The following NPAS3 variants were observed in gnomAD, a reference collection of about 807,000 sequenced individuals.
NPAS3 encodes the protein neuronal PAS domain-containing protein 3.
NPAS3 carries 14 observed loss-of-function variants against 73.1 expected under a neutral mutation model. The observed-to-expected ratio is 0.19, with a 90% confidence interval of 0.13 to 0.30. The LOEUF (loss-of-function observed/expected upper bound fraction) is 0.30, where lower values mean the gene tolerates loss of function less well. NPAS3 is among the 10% of genes least tolerant of loss of function. NPAS3 has a pLI of 1.00. For synonymous variants in NPAS3, 620 were observed against 541.5 expected (o/e 1.14, Z -2.01); for missense variants, 1,096 against 1,250.0 (o/e 0.88, Z 1.86).
chr14:33,544,820 A>ATATATTTT (rs11377851), intron 4 of NPAS3, among the ~76,000 whole-genome samples: 1 of 98,548 alleles, frequency 1.0e-5, no homozygotes, highest in Non-Finnish European at 1.9e-5. Context: ...ATGTATATAT[A>ATATATTTT]ATATATATGT....
At chr14:33,513,226 A>G (rs1217818897) in intron 4 of NPAS3, among the ~76,000 whole-genome samples, 4 of 151,988 alleles carry the variant, frequency 2.6e-5, no homozygotes, top group African/African-American at 7.2e-5. Flanking sequence ...TTTCATTCCA[A>G]TACTCATGAG....
At chr14:32,968,955 T>C (rs1342513306) in intron 1 of NPAS3, among the ~76,000 whole-genome samples, 2 of 152,124 alleles carry the variant, frequency 1.3e-5, no homozygotes, top group Non-Finnish European at 2.9e-5. Flanking sequence ...CAGGCCTCAG[T>C]GTGTGTTGTA....
chr14:33,497,892 G>A (rs377000704), intron 4 of NPAS3, among the ~76,000 whole-genome samples: 9 of 152,004 alleles, frequency 5.9e-5, no homozygotes, highest in African/African-American at 1.4e-4. Flanking sequence ...CAAAACGACC[G>A]TCAGAGTGAA....
rs191674896 is a variant in NPAS3, at chr14:33,668,490, A to G, written c.559-7721A>G. On this transcript the variant is annotated intron_variant, in intron 5 of 11. Transcript: ENST00000356141. ...GGAAAAAATCATCCCCAGAATTATT[A>G]TGGTTTTCCTAATCCAGTTACCTTT... is the stretch of plus-strand genomic sequence containing the variant. Among the ~76,000 whole-genome samples, 10 of 152,302 alleles carry G rather than the reference A, an allele frequency of 6.6e-5. No homozygotes were observed. In the East Asian group the frequency reaches 1.5e-3, roughly 23 times the overall value.
chr14:33,692,829 A>G (rs1316351830), intron 6 of NPAS3, among the ~76,000 whole-genome samples: 1 of 117,100 alleles, frequency 8.5e-6, no homozygotes. Flanking sequence ...TAAGTAGCCC[A>G]ATGTCTTAAA....
At chr14:33,707,370 A>T (rs531942892) in intron 6 of NPAS3, among the ~76,000 whole-genome samples, 1 of 151,806 alleles carries the variant, frequency 6.6e-6, no homozygotes, top group East Asian at 1.9e-4. Context: ...AATGATGATT[A>T]TTTAATATTT....
chr14:33,474,662 G>A (rs930608499), intron 4 of NPAS3, among the ~76,000 whole-genome samples: 2 of 152,106 alleles, frequency 1.3e-5, no homozygotes, highest in African/African-American at 2.4e-5. Context: ...CTAGAACAGG[G>A]AAGGAGGGAT....
chr14:33,305,514 A>G (rs985932466), intron 3 of NPAS3, among the ~76,000 whole-genome samples: 4 of 152,234 alleles, frequency 2.6e-5, no homozygotes, highest in Middle Eastern at 3.4e-3. Flanking sequence ...TAACTTGATG[A>G]GTTTTTGTAA....
At chr14:33,721,122 A>T (rs536919953) in intron 6 of NPAS3, among the ~76,000 whole-genome samples, 1 of 152,182 alleles carries the variant, frequency 6.6e-6, no homozygotes, top group African/African-American at 2.4e-5. Context: ...TTCAAATCAT[A>T]TAAGAGAGAA....
At chr14:33,357,401 C>G (rs1207334794) in intron 3 of NPAS3, among the ~76,000 whole-genome samples, 1 of 152,188 alleles carries the variant, frequency 6.6e-6, no homozygotes, top group Non-Finnish European at 1.5e-5. Flanking sequence ...AATGTTTGCA[C>G]TGGTGTGAGG....
At chr14:32,968,077 AG>A (rs2037258859) in intron 1 of NPAS3, among the ~76,000 whole-genome samples, 1 of 152,128 alleles carries the variant, frequency 6.6e-6, no homozygotes, top group Admixed American at 6.5e-5. Flanking sequence ...TACCAGAGAC[AG>A]GGAGACTAGA....
intron 4 of NPAS3, among the ~76,000 whole-genome samples, chr14:33,544,825 A>ATTTATATATATATATAAT (rs2054747108): frequency 8.9e-6 from 1 of 112,188 alleles, no homozygotes; most frequent in Non-Finnish European, 1.7e-5. Flanking sequence ...TATATAATAT[A>ATTTATATATATATATAAT]TATGTGTATA....
chr14:32,973,656 C>T (rs1013989866), intron 1 of NPAS3, among the ~76,000 whole-genome samples: 10 of 151,896 alleles, frequency 6.6e-5, no homozygotes, highest in African/African-American at 2.4e-4. Flanking sequence ...CAGCCTCAGC[C>T]TCCTGAGTAG....
At chr14:33,778,339 A>C in intron 8 of NPAS3, 127 bp from the exon 9 acceptor site, 1 of 631,052 alleles carries the variant, frequency 1.6e-6, no homozygotes, top group African/African-American at 1.8e-5. Flanking sequence ...GGTTTCCCTC[A>C]CAGTGCCACC....
At chr14:33,286,570 A>G (rs1315107632) in intron 3 of NPAS3, among the ~76,000 whole-genome samples, 2 of 152,192 alleles carry the variant, frequency 1.3e-5, no homozygotes, top group Non-Finnish European at 2.9e-5. Context: ...GGGTTACCGA[A>G]TATCGGCCTG....
intron 3 of NPAS3, among the ~76,000 whole-genome samples, chr14:33,278,624 G>T (rs1414818133): frequency 6.6e-6 from 1 of 152,036 alleles, no homozygotes; most frequent in Non-Finnish European, 1.5e-5. Flanking sequence ...AATTCTTCTG[G>T]CTCTTCTTAA....
At chr14:33,301,322 A>AT (rs56242001) in intron 3 of NPAS3, among the ~76,000 whole-genome samples, 18,816 of 99,630 alleles carry the variant, frequency 0.19, 3,738 homozygotes, top group South Asian at 0.32. Context: ...ATATATATAT[A>AT]TTTTTTTTTT....
At chr14:33,214,892 C>A (rs973082046) in intron 2 of NPAS3, 5 of 384,354 alleles carry the variant, frequency 1.3e-5, no homozygotes, top group Non-Finnish European at 2.4e-5. Flanking sequence ...TCTGTTAGGT[C>A]TTAGAAACAA....
At chr14:33,207,811 A>G (rs1444728265) in intron 2 of NPAS3, among the ~76,000 whole-genome samples, 1 of 152,170 alleles carries the variant, frequency 6.6e-6, no homozygotes, top group Non-Finnish European at 1.5e-5. Flanking sequence ...TGGTCTTGGC[A>G]TTTAGTCTTA....
Sources: gnomAD v4.1 joint callset for allele counts (sites outside exome capture counted in the v4.1 genomes callset) on GRCh38, gnomAD v4.1.1 for gene constraint, MANE v1.5 for transcripts, NCBI Gene and HGNC (gene_info 2026-07-23, HGNC 2026-07-21) for gene names.